Variants in TRMT2A observed in about 807,000 individuals in gnomAD.
TRMT2A encodes the protein tRNA methyltransferase 2A, also known as tRNA (uracil-5-)-methyltransferase homolog A.
TRMT2A carries 60 observed loss-of-function variants against 59.3 expected under a neutral mutation model. The ratio of observed to expected loss-of-function variants is 1.01; its 90% CI spans 0.82 to 1.26. TRMT2A has a LOEUF of 1.26. Among genes scored for constraint, TRMT2A ranks in the 50% most tolerant of loss-of-function variants. The pLI is 0.00. For missense variants in TRMT2A, 863 were observed against 845.2 expected, an observed-to-expected ratio of 1.02 and a Z score of -0.26; for synonymous variants, 403 against 353.7, an observed-to-expected ratio of 1.14 and a Z score of -1.56.
Position 20,116,547 on chromosome 22 carries a change from C to T in TRMT2A, c.90G>A (p.Ser30=), listed in dbSNP as rs376961351. The change falls in exon 2 of 12, where the codon TCG becomes TCA. Residue 30 remains serine (S), a synonymous_variant. Transcript: ENST00000252136. ...SSSALSCPTV[S]VPPAAPAALE... ...GGGCTGCCGGGGCTGCAGGGGGCAC[C>T]GAGACGGTAGGGCAGCTCAGGGCAC... The T allele has an allele frequency of 1.4e-5, 22 of 1,597,240 alleles. No homozygotes were observed. Among genetic ancestry groups the T allele is most frequent in the South Asian group, 7.8e-5 (7 of 89,782 alleles).
rs941820975 is a variant in TRMT2A at position 20,117,096 on chromosome 22, C to G, written c.-190G>C. On this transcript the variant is annotated 5_prime_UTR_variant, in exon 1 of 12. Transcript: ENST00000252136. ...CGCCCCAGGCGGGGCGGGACTCGAA[C>G]CTGCGATGCTCAGGTCCGGGTCTCA... 8.2e-6 allele frequency: 6 copies of G among 735,470 alleles called. No individual in the cohort carries two copies. Among genetic ancestry groups the G allele is most frequent in the Non-Finnish European group, 6.6e-6 (3 of 452,708 alleles). 45.6% of individuals were successfully genotyped at this position (735,470 alleles called of 1,614,324 possible). A position where few individuals can be genotyped will look rare whatever the true frequency, so the allele number is the denominator to read the frequency against.
chr22:20,113,049 T>G, intron 10 of TRMT2A, 42 bp from the exon 11 acceptor site: 1 of 1,612,432 alleles, frequency 6.2e-7, no homozygotes, highest in South Asian at 1.1e-5. Context: ...AGCCAGAGAG[T>G]GCATAACATG....
In TRMT2A at chr22:20,112,247, C is replaced by G; in HGVS notation, c.*316G>C. ...CTGCCTAGGCCTAGTTTGGCCCTTT[C>G]CCTGGCACCCAGGCCCTGTGTTCAG... is the stretch of plus-strand genomic sequence containing the variant. On this transcript the variant is annotated 3_prime_UTR_variant, in exon 12 of 12. Transcript: ENST00000252136. 1 of 407,120 alleles carries G rather than the reference C, an allele frequency of 2.5e-6. No homozygotes were observed. Among genetic ancestry groups the G allele is most frequent in the Non-Finnish European group, 4.4e-6 (1 of 227,362 alleles). 25.2% of individuals were successfully genotyped at this position (407,120 alleles called of 1,614,324 possible). A position where few individuals can be genotyped will look rare whatever the true frequency, so the allele number is the denominator to read the frequency against.
Position 20,112,932 on chromosome 22 carries a change from G to C in TRMT2A, c.1625C>G (p.Ala542Gly), listed in dbSNP as rs766862520. 2 of 1,613,710 alleles carry C rather than the reference G, an allele frequency of 1.2e-6. No homozygotes were observed. Among genetic ancestry groups the C allele is most frequent in the African/African-American group, 2.7e-5 (2 of 74,924 alleles). Residue 542 changes from alanine to glycine, a missense_variant, in exon 11 of 12, where the codon GCA becomes GGA. Ala to Gly is a moderately conservative substitution (Grantham distance 60). Coordinates refer to ENST00000252136, the MANE Select transcript of TRMT2A (RefSeq NM_022727.6). ...RLLYVSCNPR[A>G]AMGNFVDLCR... Reference sequence around the variant, plus strand: ...TCACTCCACAAAGTTGCCCATGGCTGCCCGGGGGTTGCATGAGACGTACAG... The same window carrying C: ...TCACTCCACAAAGTTGCCCATGGCTCCCCGGGGGTTGCATGAGACGTACAG...
In TRMT2A at chr22:20,117,195, C is replaced by A; in HGVS notation, c.-289G>T. On this transcript the variant is annotated 5_prime_UTR_variant, in exon 1 of 12. Coordinates refer to ENST00000252136, the MANE Select transcript of TRMT2A (RefSeq NM_022727.6). ...GCTTCGCCAGCCACTCTTAGTCCGC[C>A]AGCGCGTGCGGCGGAGGCCGAGCGT... is the stretch of plus-strand genomic sequence containing the variant. 1.8e-6 allele frequency: 1 copy of A among 545,292 alleles called. No individual in the cohort carries two copies. Among genetic ancestry groups the A allele is most frequent in the Non-Finnish European group, 3.0e-6 (1 of 329,530 alleles). The allele number at this position is 545,292 out of a possible 1,614,324, so 33.8% of individuals were successfully genotyped here.
Position 20,116,631 on chromosome 22 carries a change from G to A in TRMT2A, c.25-19C>T, listed in dbSNP as rs1345938807. The stretch of plus-strand genomic sequence containing the variant: ...TCGGGCCCTGTGTGGGGACAGATGG[G>A]GTGCTAGGGTGAGGACTAGGCCCTG... On this transcript the variant is annotated intron_variant, in intron 1 of 11. Transcript: ENST00000252136. 6.6e-7 allele frequency: 1 copy of A among 1,521,288 alleles called. No homozygotes were observed. The highest frequency in any genetic ancestry group is 8.8e-7 in the Non-Finnish European group (1 of 1,140,612). 94.2% of individuals were successfully genotyped at this position (1,521,288 alleles called of 1,614,324 possible).
chr22:20,114,788 C>T lies in TRMT2A; in HGVS notation c.1094G>A (p.Cys365Tyr), dbSNP rs1170906125. 1 of 1,610,632 alleles carries T rather than the reference C, an allele frequency of 6.2e-7. No individual in the cohort carries two copies. Among genetic ancestry groups the T allele is most frequent in the Non-Finnish European group, 8.5e-7 (1 of 1,179,378 alleles). The change falls in exon 6 of 12, where the codon TGC (cysteine) becomes TAC (tyrosine). Residue 365 changes from cysteine (C) to tyrosine (Y), a missense_variant. By Grantham distance (194) the Cys-to-Tyr change is radical. Transcript: ENST00000252136. The part of the protein sequence containing the change: ...AGPGRASGVT[C>Y]LYFVEEGQRK... ...CTGTCCCTCCTCCACGAAGTAGAGG[C>T]AGGTCACTCCACTGGCCCTGCCTGG...
chr22:20,114,318 C>T (rs779070495), intron 7 of TRMT2A, among the ~76,000 whole-genome samples: 45 of 152,250 alleles, frequency 3.0e-4, no homozygotes, highest in Admixed American at 5.2e-4. Flanking sequence ...GAGCCCAGAG[C>T]AGTGCCCTGT....
rs1350061450 is a variant in TRMT2A at position 20,115,462 on chromosome 22, A to C, written c.709-15T>G. 6.3e-7 allele frequency: 1 copy of C among 1,596,768 alleles called. No homozygotes were observed. The highest frequency in any genetic ancestry group is 1.7e-5 in the Admixed American group (1 of 59,722). ...CGATACTCAGTCTGCAGGGAGAGAG[A>C]GCTGCACCTTACCCTGGCTGCCCAG... On this transcript the variant is annotated splice_polypyrimidine_tract_variant and intron_variant, in intron 3 of 11. Coordinates refer to ENST00000252136, the MANE Select transcript of TRMT2A (RefSeq NM_022727.6).
chr22:20,113,416 C>CCCCCTG lies in TRMT2A; in HGVS notation c.1432+15_1432+16insCAGGGG. 1 of 1,588,124 alleles carries CCCCCTG rather than the reference C, an allele frequency of 6.3e-7. No individual in the cohort carries two copies. Among genetic ancestry groups the CCCCCTG allele is most frequent in the Non-Finnish European group, 8.6e-7 (1 of 1,166,098 alleles). On this transcript the variant is annotated intron_variant, in intron 9 of 11. Transcript: ENST00000252136. ...CTGCCCCCATCCCCACCCCCACCCA[C>CCCCCTG]GGCCTTGCCACTCACCATTGTCCTG...
chr22:20,115,267 G>A lies in TRMT2A; in HGVS notation c.889C>T (p.Arg297Trp), dbSNP rs774972671. Reference sequence around the variant, plus strand: ...GGGAGCCCCGTCACAGGTCCTCACCGGATGAACTCCTGGAAGGCCTTCACC... The same window carrying A: ...GGGAGCCCCGTCACAGGTCCTCACCAGATGAACTCCTGGAAGGCCTTCACC... ...QVVKAFQEFI[R>W]STPYSAYDPE... The change falls in exon 4 of 12, where the codon CGG (arginine) becomes TGG (tryptophan). Residue 297 changes from arginine to tryptophan, a missense_variant and splice_region_variant. Coordinates refer to ENST00000252136, the MANE Select transcript of TRMT2A (RefSeq NM_022727.6). 2.5e-6 allele frequency: 4 copies of A among 1,610,922 alleles called. No homozygotes were observed. The highest frequency in any genetic ancestry group is 2.2e-5 in the East Asian group (1 of 44,820).
At position 20,112,899 on chromosome 22, in the gene TRMT2A, G is replaced by A. The variant is rs780956225; in HGVS notation, c.1646+12C>T. 7 of 1,613,576 alleles carry A rather than the reference G, an allele frequency of 4.3e-6. No individual in the cohort carries two copies. The highest frequency in any genetic ancestry group is 4.2e-6 in the Non-Finnish European group (5 of 1,179,990). ...AGGCCTAGCCCCCACCCAGGCCCCT[G>A]CAGACACTCACTCCACAAAGTTGCC... On this transcript the variant is annotated intron_variant, in intron 11 of 11. Transcript: ENST00000252136.
chr22:20,116,686 G>A lies in TRMT2A; in HGVS notation c.25-74C>T. ...CCTGGCCCCCCAAGCTTCCTTATGGGACACCCAGACCTCCGTCGGTGCACT... is the reference window on the plus strand; with the variant it reads ...CCTGGCCCCCCAAGCTTCCTTATGGAACACCCAGACCTCCGTCGGTGCACT... On this transcript the variant is annotated intron_variant, in intron 1 of 11. Coordinates refer to ENST00000252136, the MANE Select transcript of TRMT2A (RefSeq NM_022727.6). The A allele has an allele frequency of 2.0e-6, 3 of 1,484,248 alleles. 1 individual carries two copies. In the South Asian group the frequency reaches 4.0e-5, roughly 20 times the overall value. The allele number at this position is 1,484,248 out of a possible 1,614,324, so 91.9% of individuals were successfully genotyped here.
rs376206248 is a variant in TRMT2A, at chr22:20,113,482, T to C, written c.1382A>G (p.Glu461Gly). The C allele has an allele frequency of 1.3e-4, 209 of 1,612,668 alleles. 1 individual carries two copies. The highest frequency in any genetic ancestry group is 1.7e-4 in the Non-Finnish European group (203 of 1,179,758). The part of the protein sequence containing the change: ...ARKVKRVIGV[E>G]LCPEAVEDAR... ...GTCCTCCACAGCCTCTGGGCATAGC[T>C]CGACCCCAATGACCCTCTTTACCTT... Residue 461 changes from glutamate (E) to glycine (G), a missense_variant, in exon 9 of 12, where the codon GAG becomes GGG. Physicochemically the swap from Glu to Gly is moderately conservative, Grantham distance 98 (BLOSUM62 -2). Coordinates refer to ENST00000252136, the MANE Select transcript of TRMT2A (RefSeq NM_022727.6).
At chr22:20,115,241 C>A in intron 4 of TRMT2A, 25 bp downstream of exon 4, 1 of 1,601,526 alleles carries the variant, frequency 6.2e-7, no homozygotes. Context: ...TAGGACTTCC[C>A]GGGAGCCCCG....
At chr22:20,116,652 C>A (rs773646807) in intron 1 of TRMT2A, 40 bp from the exon 2 acceptor site, 25 of 1,514,006 alleles carry the variant, frequency 1.7e-5, no homozygotes, top group Non-Finnish European at 2.1e-5. Flanking sequence ...GAGGACTAGG[C>A]CCTGGGGGCC....
chr22:20,115,497 C>CT, intron 3 of TRMT2A, 50 bp from the exon 4 acceptor site: 1 of 1,582,044 alleles, frequency 6.3e-7, no homozygotes, highest in Non-Finnish European at 8.6e-7. Context: ...GCGCTTGGGC[C>CT]TGGAAACCCT....
In TRMT2A at chr22:20,112,754, A is replaced by AG. The variant is rs1268060611; in HGVS notation, c.1686dup (p.Phe563LeufsTer19). The AG allele has an allele frequency of 6.2e-7, 1 of 1,613,730 alleles. No individual in the cohort carries two copies. Among genetic ancestry groups the AG allele is most frequent in the South Asian group, 1.1e-5 (1 of 91,084 alleles). ...ACTGCCACAGCCTTGACCGGCCGGAAGGGAATGCCCTTCACCCGGTTAGAT... is the reference window on the plus strand; with the variant it reads ...ACTGCCACAGCCTTGACCGGCCGGAAGGGGAATGCCCTTCACCCGGTTAGAT... On this transcript the variant is annotated frameshift_variant, in exon 12 of 12. Coordinates refer to ENST00000252136, the MANE Select transcript of TRMT2A (RefSeq NM_022727.6). LOFTEE classifies it low-confidence loss of function (END_TRUNC).
chr22:20,113,797 G>C lies in TRMT2A; in HGVS notation c.1245C>G (p.Pro415=). 2 of 1,577,468 alleles carry C rather than the reference G, an allele frequency of 1.3e-6. No individual in the cohort carries two copies. The highest frequency in any genetic ancestry group is 1.7e-6 in the Non-Finnish European group (2 of 1,159,590). ...TGACTGTGTAGAGCACCTCGGCTGC[G>C]GGTGTGTTCACCTGGGGGCAGGCGG... is the stretch of plus-strand genomic sequence containing the variant. The part of the protein sequence containing the change: ...SPHAFFQVNT[P]AAEVLYTVIQ... Residue 415 remains proline, a synonymous_variant, in exon 8 of 12, where the codon CCC becomes CCG. Transcript: ENST00000252136.
Sources: allele counts gnomAD v4.1 joint callset (sites outside exome capture counted in the v4.1 genomes callset), GRCh38; gene constraint gnomAD v4.1.1; transcripts MANE v1.5; gene names NCBI Gene and HGNC (gene_info 2026-07-23, HGNC 2026-07-21).